The following RPS6KL1 variants were observed in gnomAD, a reference collection of about 807,000 sequenced individuals.
The protein encoded by RPS6KL1 is ribosomal protein S6 kinase like 1, also known as ribosomal protein S6 kinase-like 1.
In RPS6KL1, 41 loss-of-function variants were observed where a neutral mutation model predicts 57.0. That is an observed-to-expected ratio of 0.72 (90% CI 0.56 to 0.93). The LOEUF (loss-of-function observed/expected upper bound fraction) is 0.93, where lower values mean the gene tolerates loss of function less well. Among genes scored for constraint, RPS6KL1 ranks in the 40% least tolerant of loss-of-function variants. The pLI is 0.00. For synonymous variants in RPS6KL1, 287 were observed against 309.7 expected (o/e 0.93, Z 0.77); for missense variants, 697 against 727.7 (o/e 0.96, Z 0.49).
At chr14:74,920,077 TA>T in intron 3 of RPS6KL1, 108 bp from the exon 4 acceptor site, 3 of 1,430,652 alleles carry the variant, frequency 2.1e-6, no homozygotes, top group Non-Finnish European at 2.9e-6. Flanking sequence ...CTCCTGTTTC[TA>T]AGGCTGGTTC....
rs1887982059 is a variant in RPS6KL1, at chr14:74,922,340, C to T, written c.-383G>A. On this transcript the variant is annotated 5_prime_UTR_variant, in exon 2 of 12. Transcript: ENST00000557413. ...GCTCCTCCTGTGGGAATCTCATTTA[C>T]CCTTTGGGGTTTAGCACTTCTCCGT... The T allele has an allele frequency of 1.0e-6, 1 of 986,118 alleles. No individual in the cohort carries two copies. The highest frequency in any genetic ancestry group is 1.2e-6 in the Non-Finnish European group (1 of 830,506). The allele number at this position is 986,118 out of a possible 1,614,324, so 61.1% of individuals were successfully genotyped here. A position where few individuals can be genotyped will look rare whatever the true frequency, so the allele number is the denominator to read the frequency against.
chr14:74,909,719 T>G lies in RPS6KL1; in HGVS notation c.1094A>C (p.Gln365Pro). 1 of 1,608,550 alleles carries G rather than the reference T, an allele frequency of 6.2e-7. No homozygotes were observed. Among genetic ancestry groups the G allele is most frequent in the East Asian group, 2.2e-5 (1 of 44,884 alleles). The change falls in exon 8 of 12, where the codon CAG (glutamine) becomes CCG (proline). Residue 365 changes from glutamine (Q) to proline (P), a missense_variant. By Grantham distance (76) the Gln-to-Pro change is moderately conservative. Transcript: ENST00000557413. Reference sequence around the variant, plus strand: ...GGCCCCATCTGCTGACAGGCAGCTCTGATCCATGCCTCGGCCACAGCCCCC... The same window carrying G: ...GGCCCCATCTGCTGACAGGCAGCTCGGATCCATGCCTCGGCCACAGCCCCC... ...VLGGCGRGMD[Q>P]SCLSADGAGR...
At chr14:74,920,797 C>A (rs1228472628) in intron 3 of RPS6KL1, among the ~76,000 whole-genome samples, 32 of 152,052 alleles carry the variant, frequency 2.1e-4, no homozygotes, top group Admixed American at 2.1e-3. Flanking sequence ...CATCAGTCTC[C>A]CCCCACTAGA....
chr14:74,922,932 G>A (rs1255511688), intron 1 of RPS6KL1, among the ~76,000 whole-genome samples: 1 of 152,206 alleles, frequency 6.6e-6, no homozygotes, highest in Admixed American at 6.5e-5. Context: ...TCCCTGCTCG[G>A]CCAAGCCCAG....
At position 74,906,430 on chromosome 14, in the gene RPS6KL1, C is replaced by G. The variant is rs1200266678; in HGVS notation, c.*584G>C. The G allele has an allele frequency of 3.0e-5, 11 of 361,740 alleles. No homozygotes were observed. The highest frequency in any genetic ancestry group is 7.2e-5 in the African/African-American group (3 of 41,608). 22.4% of individuals were successfully genotyped at this position (361,740 alleles called of 1,614,324 possible). A position where few individuals can be genotyped will look rare whatever the true frequency, so the allele number is the denominator to read the frequency against. On this transcript the variant is annotated 3_prime_UTR_variant, in exon 12 of 12. Transcript: ENST00000557413. ...GGGGTGGGGGGGTGGGGGTGGGGGT[C>G]ATCCTGTCCCCTACCTCATCCCTCC...
intron 3 of RPS6KL1, 39 bp downstream of exon 3, chr14:74,921,238 T>TGGCCCCCCCCCCCCCC: frequency 3.6e-6 from 3 of 840,172 alleles, no homozygotes; most frequent in Non-Finnish European, 6.1e-6. Context: ...CACTGGCCCT[T>TGGCCCCCCCCCCCCCC]CCCCACCCAC....
chr14:74,917,762 A>C (rs920579065), intron 5 of RPS6KL1, among the ~76,000 whole-genome samples: 1 of 152,006 alleles, frequency 6.6e-6, no homozygotes, highest in East Asian at 1.9e-4. Context: ...GAGAGGAAAA[A>C]AAGGGCAGAC....
Position 74,906,718 on chromosome 14 carries a change from A to T in RPS6KL1, c.*296T>A. The T allele has an allele frequency of 1.7e-6, 1 of 574,830 alleles. No homozygotes were observed. The highest frequency in any genetic ancestry group is 4.2e-5 in the East Asian group (1 of 23,890). 35.6% of individuals were successfully genotyped at this position (574,830 alleles called of 1,614,324 possible). On this transcript the variant is annotated 3_prime_UTR_variant, in exon 12 of 12. Coordinates refer to ENST00000557413, the MANE Select transcript of RPS6KL1 (RefSeq NM_031464.5). ...CTCAGCGCCAGTGCCACAGAAGGCAACCTTTAACATGGTGAGTCCACATGC... is the reference window on the plus strand; with the variant it reads ...CTCAGCGCCAGTGCCACAGAAGGCATCCTTTAACATGGTGAGTCCACATGC...
intron 4 of RPS6KL1, 85 bp downstream of exon 4, chr14:74,919,760 C>A: frequency 6.8e-7 from 1 of 1,466,338 alleles, no homozygotes. Context: ...CAGCCCAGGG[C>A]GGGCCTGTGG....
At position 74,907,001 on chromosome 14, in the gene RPS6KL1, C is replaced by G. The variant is rs1566807857; in HGVS notation, c.*13G>C. The G allele has an allele frequency of 6.3e-7, 1 of 1,588,438 alleles. No homozygotes were observed. ...AGACCAGGCCAGCTGCTTCCGTCAC[C>G]CGCTCTGCCCTCTTACCCCACCAGC... On this transcript the variant is annotated 3_prime_UTR_variant, in exon 12 of 12. Coordinates refer to ENST00000557413, the MANE Select transcript of RPS6KL1 (RefSeq NM_031464.5).
chr14:74,906,971 G>T lies in RPS6KL1; in HGVS notation c.*43C>A. 1 of 1,464,324 alleles carries T rather than the reference G, an allele frequency of 6.8e-7. No individual in the cohort carries two copies. The highest frequency in any genetic ancestry group is 9.5e-7 in the Non-Finnish European group (1 of 1,051,162). 90.7% of individuals were successfully genotyped at this position (1,464,324 alleles called of 1,614,324 possible). A position where few individuals can be genotyped will look rare whatever the true frequency, so the allele number is the denominator to read the frequency against. Reference sequence around the variant, plus strand: ...TGGGTGTCAGGCAAGGAGGAGAGGCGATCCAGACCAGGCCAGCTGCTTCCG... The same window carrying T: ...TGGGTGTCAGGCAAGGAGGAGAGGCTATCCAGACCAGGCCAGCTGCTTCCG... On this transcript the variant is annotated 3_prime_UTR_variant, in exon 12 of 12. Coordinates refer to ENST00000557413, the MANE Select transcript of RPS6KL1 (RefSeq NM_031464.5).
chr14:74,910,012 T>C lies in RPS6KL1; in HGVS notation c.801A>G (p.Ser267=), dbSNP rs750905555. The C allele has an allele frequency of 6.2e-7, 1 of 1,613,972 alleles. No individual in the cohort carries two copies. The highest frequency in any genetic ancestry group is 8.5e-7 in the Non-Finnish European group (1 of 1,179,942). ...TTCTGTCCTGGCCAGGGGCATGGCC[T>C]GAGGGAAGCCTCGCTGGGGTCAGGA... The part of the protein sequence containing the change: ...LNLLTPARLP[S]GHAPGQDRIA... The change falls in exon 8 of 12, where the codon TCA becomes TCG. Residue 267 remains serine, a synonymous_variant. Transcript: ENST00000557413.
intron 5 of RPS6KL1, 106 bp downstream of exon 5, chr14:74,918,407 G>T: frequency 1.3e-6 from 1 of 779,750 alleles, no homozygotes. Context: ...AGGAGTGGGG[G>T]CCACTGCTAC....
rs997707355 is a variant in RPS6KL1 at position 74,922,411 on chromosome 14, A to C, written c.-454T>G. The C allele has an allele frequency of 2.3e-5, 22 of 947,440 alleles. No homozygotes were observed. The highest frequency in any genetic ancestry group is 2.4e-5 in the Non-Finnish European group (19 of 795,018). 58.7% of individuals were successfully genotyped at this position (947,440 alleles called of 1,614,324 possible). A position where few individuals can be genotyped will look rare whatever the true frequency, so the allele number is the denominator to read the frequency against. On this transcript the variant is annotated 5_prime_UTR_variant, in exon 2 of 12. Transcript: ENST00000557413. ...GCTGTGTTTTGTTCCCTTGGTCCTG[A>C]GGTCAGTGTGGTCAGCGAGTGAGGA... is the stretch of plus-strand genomic sequence containing the variant.
chr14:74,913,540 A>G (rs1189290069), intron 5 of RPS6KL1, among the ~76,000 whole-genome samples: 1 of 152,168 alleles, frequency 6.6e-6, no homozygotes, highest in Non-Finnish European at 1.5e-5. Context: ...TGGGCAACAG[A>G]GACAGACTCC....
intron 3 of RPS6KL1, among the ~76,000 whole-genome samples, chr14:74,920,862 A>G (rs2140357290): frequency 6.6e-6 from 1 of 152,296 alleles, no homozygotes; most frequent in Non-Finnish European, 1.5e-5. Context: ...AGTCAGGTGT[A>G]GTGGGCCAAG....
At chr14:74,922,880 C>G (rs576149595) in intron 1 of RPS6KL1, among the ~76,000 whole-genome samples, 1 of 152,332 alleles carries the variant, frequency 6.6e-6, no homozygotes, top group East Asian at 1.9e-4. Flanking sequence ...GGAGCTGAAT[C>G]CCGGCCAGGA....
At chr14:74,918,020 A>G (rs1887139284) in intron 5 of RPS6KL1, among the ~76,000 whole-genome samples, 1 of 151,550 alleles carries the variant, frequency 6.6e-6, no homozygotes, top group African/African-American at 2.4e-5. Flanking sequence ...TTCTGTCCCA[A>G]CTCTCCCAAG....
intron 10 of RPS6KL1, among the ~76,000 whole-genome samples, chr14:74,908,116 C>T (rs1885231431): frequency 6.6e-6 from 1 of 152,100 alleles, no homozygotes; most frequent in Non-Finnish European, 1.5e-5. Flanking sequence ...AAATTGCAGC[C>T]AGGACTTTCG....
Sources: allele counts gnomAD v4.1 joint callset (sites outside exome capture counted in the v4.1 genomes callset), GRCh38; gene constraint gnomAD v4.1.1; transcripts MANE v1.5; gene names NCBI Gene and HGNC (gene_info 2026-07-23, HGNC 2026-07-21).